The following CCDC88B variants were observed in gnomAD, a reference collection of about 807,000 sequenced individuals.
The protein encoded by CCDC88B is coiled-coil and HOOK domain protein 88B, also known as coiled-coil domain-containing protein 88B.
Under a neutral mutation model 183.7 loss-of-function variants are expected in CCDC88B, and 138 were observed. The ratio of observed to expected loss-of-function variants is 0.75; its 90% CI spans 0.65 to 0.87. The LOEUF is 0.87. Ranked by LOEUF, CCDC88B falls within the 40% of genes least tolerant of loss-of-function variation. The probability of loss-of-function intolerance (pLI) is 0.00; values close to 1 mark genes in which losing one functional copy is unlikely to be tolerated. For synonymous variants in CCDC88B, 835 were observed against 867.5 expected, an observed-to-expected ratio of 0.96 and a Z score of 0.66; for missense variants, 1,822 against 1,965.6, an observed-to-expected ratio of 0.93 and a Z score of 1.38.
intron 22 of CCDC88B, 51 bp from the exon 23 acceptor site, chr11:64,353,664 C>T (rs1024051275): frequency 6.2e-7 from 1 of 1,603,532 alleles, no homozygotes; most frequent in African/African-American, 1.3e-5. Flanking sequence ...CTTGCTACTG[C>T]CTCGGCCTCC....
chr11:64,345,032 G>C lies in CCDC88B; in HGVS notation c.2491G>C (p.Glu831Gln). The change falls in exon 14 of 27, where the codon GAG becomes CAG. Residue 831 changes from glutamate (E) to glutamine (Q), a missense_variant. By Grantham distance (29) the Glu-to-Gln change is conservative. Coordinates refer to ENST00000356786, the MANE Select transcript of CCDC88B (RefSeq NM_032251.6). ...CCGGGAGCGGAGGCAGTGGGAGCGT[G>C]AGGGGTCCAGGCTGCGGGCCCAGTC... ...AGRERRQWEREGSRLRAQSEA... is the reference protein window; with the variant it reads ...AGRERRQWERQGSRLRAQSEA... The C allele has an allele frequency of 1.3e-6, 2 of 1,548,498 alleles. No homozygotes were observed. The highest frequency in any genetic ancestry group is 1.7e-6 in the Non-Finnish European group (2 of 1,149,086).
At position 64,357,064 on chromosome 11, in the gene CCDC88B, A is replaced by G; in HGVS notation, c.4401A>G (p.Lys1467=). ...REGPEVQEPE[K]RPLTPSLSQ is the part of the protein sequence containing the mutation. ...GCCCTGAGGTACAGGAACCGGAGAA[A>G]CGTCCCCTCACCCCATCCCTCAGCC... The change falls in exon 27 of 27, where the codon AAA becomes AAG. Residue 1467 remains lysine, a synonymous_variant. Coordinates refer to ENST00000356786, the MANE Select transcript of CCDC88B (RefSeq NM_032251.6). 1.2e-6 allele frequency: 2 copies of G among 1,605,018 alleles called. No individual in the cohort carries two copies. Among genetic ancestry groups the G allele is most frequent in the South Asian group, 1.1e-5 (1 of 90,412 alleles).
chr11:64,343,316 G>C lies in CCDC88B; in HGVS notation c.1200G>C (p.Glu400Asp), dbSNP rs763200470. The C allele has an allele frequency of 1.9e-5, 29 of 1,550,400 alleles. No homozygotes were observed. The East Asian group carries it at 6.6e-4, about 35-fold the overall frequency. Reference sequence around the variant, plus strand: ...TGCTGCTGCGAACCCGGCTGGGCGAGGCCCATGCGGTAAGGTAGCCAGAGT... The same window carrying C: ...TGCTGCTGCGAACCCGGCTGGGCGACGCCCATGCGGTAAGGTAGCCAGAGT... ...ENLLLRTRLG[E>D]AHAELDSLRH... Residue 400 changes from glutamate to aspartate, a missense_variant, in exon 11 of 27, where the codon GAG (glutamate) becomes GAC (aspartate). Transcript: ENST00000356786.
chr11:64,351,082 T>G (rs1591293444), intron 16 of CCDC88B, 78 bp from the exon 17 acceptor site: 1 of 1,027,610 alleles, frequency 9.7e-7, no homozygotes, highest in Non-Finnish European at 1.4e-6. Context: ...GCAGGGCAGG[T>G]CCATAAGCGC....
At chr11:64,355,464 G>T in intron 25 of CCDC88B, 64 bp downstream of exon 25, 2 of 1,583,362 alleles carry the variant, frequency 1.3e-6, no homozygotes, top group Non-Finnish European at 1.7e-6. Context: ...CCAGCTCCTT[G>T]GGGGAGGAGG....
At chr11:64,349,690 G>A (rs1303760256) in intron 16 of CCDC88B, 22 bp downstream of exon 16, 1 of 1,564,970 alleles carries the variant, frequency 6.4e-7, no homozygotes, top group Admixed American at 1.9e-5. Context: ...CCGCCTGGGA[G>A]CTGGGGGCCA....
chr11:64,356,453 AT>A (rs2036548714), intron 26 of CCDC88B: 1 of 152,190 alleles, frequency 6.6e-6, no homozygotes, highest in Non-Finnish European at 1.5e-5. Flanking sequence ...CATGCCTGTA[AT>A]CCCACCTACT....
intron 14 of CCDC88B, among the ~76,000 whole-genome samples, chr11:64,347,506 G>A (rs1474035023): frequency 6.6e-6 from 1 of 152,218 alleles, no homozygotes; most frequent in African/African-American, 2.4e-5. Context: ...CCCATTATGA[G>A]GATGGGGGGT....
chr11:64,342,200 G>T, intron 8 of CCDC88B, 61 bp downstream of exon 8: 1 of 1,589,912 alleles, frequency 6.3e-7, no homozygotes. Context: ...GCCTGGATGG[G>T]ACCCTAGCCC....
chr11:64,348,252 T>A (rs1052615574), intron 14 of CCDC88B, among the ~76,000 whole-genome samples: 1 of 136,124 alleles, frequency 7.3e-6, no homozygotes, highest in Admixed American at 7.6e-5. Context: ...TGGGGGAAGC[T>A]AGGGACAAAG....
At position 64,340,258 on chromosome 11, in the gene CCDC88B, G is replaced by A; in HGVS notation, c.-9G>A. On this transcript the variant is annotated 5_prime_UTR_variant, in exon 1 of 27. Transcript: ENST00000356786. ...GCTGCCACAGTGAGACGGGCACCCCGACCCGGGCATGGAGGGGGGCAAGGG... is the reference window on the plus strand; with the variant it reads ...GCTGCCACAGTGAGACGGGCACCCCAACCCGGGCATGGAGGGGGGCAAGGG... The A allele has an allele frequency of 7.9e-7, 1 of 1,268,340 alleles. No homozygotes were observed. Among genetic ancestry groups the A allele is most frequent in the East Asian group, 3.1e-5 (1 of 32,014 alleles). The allele number at this position is 1,268,340 out of a possible 1,614,324, so 78.6% of individuals were successfully genotyped here. A position where few individuals can be genotyped will look rare whatever the true frequency, so the allele number is the denominator to read the frequency against.
chr11:64,353,401 G>A lies in CCDC88B; in HGVS notation c.3738G>A (p.Leu1246=). 1 of 1,613,524 alleles carries A rather than the reference G, an allele frequency of 6.2e-7. No individual in the cohort carries two copies. The change falls in exon 22 of 27, where the codon CTG becomes CTA. Residue 1246 remains leucine, a synonymous_variant. Coordinates refer to ENST00000356786, the MANE Select transcript of CCDC88B (RefSeq NM_032251.6). ...SAQEEENRQL[L]AEVQALSREN... is the part of the protein sequence containing the mutation. Reference sequence around the variant, plus strand: ...AGGAAGAGGAGAACCGGCAGCTGCTGGCTGAAGTTCAGGCCCTGAGCCGGG... The same window carrying A: ...AGGAAGAGGAGAACCGGCAGCTGCTAGCTGAAGTTCAGGCCCTGAGCCGGG...
Position 64,342,130 on chromosome 11 carries a change from G to A in CCDC88B, c.812G>A (p.Arg271Gln). 6.2e-7 allele frequency: 1 copy of A among 1,608,586 alleles called. No individual in the cohort carries two copies. The highest frequency in any genetic ancestry group is 8.5e-7 in the Non-Finnish European group (1 of 1,178,560). ...GCCAAGGCTCAGCTGCGGCGTCTGCGGCAGGAGCTGTGAGTGTGCGCAGCC... is the reference window on the plus strand; with the variant it reads ...GCCAAGGCTCAGCTGCGGCGTCTGCAGCAGGAGCTGTGAGTGTGCGCAGCC... ...ANAKAQLRRL[R>Q]QELEEKAELL... Residue 271 changes from arginine (R) to glutamine (Q), a missense_variant, in exon 8 of 27, where the codon CGG becomes CAG. Coordinates refer to ENST00000356786, the MANE Select transcript of CCDC88B (RefSeq NM_032251.6).
intron 1 of CCDC88B, 53 bp downstream of exon 1, chr11:64,340,379 G>A (rs1800446750): frequency 7.8e-7 from 1 of 1,285,358 alleles, no homozygotes; most frequent in South Asian, 2.3e-5. Context: ...CCCAGCCAGG[G>A]GCTGGTGTTG....
Position 64,341,980 on chromosome 11 carries a change from C to A in CCDC88B, c.676-14C>A. ...TGGATAAGTTAGTCCTGACCCTTGA[C>A]CCCTGACCTACAGCGGCTGGCTGAA... is the stretch of plus-strand genomic sequence containing the variant. On this transcript the variant is annotated splice_polypyrimidine_tract_variant and intron_variant, in intron 7 of 26. Coordinates refer to ENST00000356786, the MANE Select transcript of CCDC88B (RefSeq NM_032251.6). The A allele has an allele frequency of 1.2e-6, 2 of 1,612,766 alleles. No homozygotes were observed. Among genetic ancestry groups the A allele is most frequent in the Non-Finnish European group, 1.7e-6 (2 of 1,179,612 alleles).
chr11:64,353,640 G>A (rs571749181), intron 22 of CCDC88B, 75 bp from the exon 23 acceptor site: 50 of 1,590,610 alleles, frequency 3.1e-5, no homozygotes, highest in South Asian at 1.0e-4. Flanking sequence ...GTGCGTCCTC[G>A]CTGCAGCTTG....
At chr11:64,342,848 T>A in intron 10 of CCDC88B, 168 bp downstream of exon 10, 2 of 448,216 alleles carry the variant, frequency 4.5e-6, no homozygotes, top group Non-Finnish European at 7.0e-6. Context: ...GGAAAGGGCC[T>A]CCAGAGGATG....
chr11:64,345,608 G>A (rs564523739), intron 14 of CCDC88B, among the ~76,000 whole-genome samples: 1 of 152,324 alleles, frequency 6.6e-6, no homozygotes, highest in East Asian at 1.9e-4. Flanking sequence ...GTGAGCTGAT[G>A]CCCAAGTGGA....
At position 64,352,190 on chromosome 11, in the gene CCDC88B, G is replaced by T. The variant is rs1291320455; in HGVS notation, c.3160G>T (p.Glu1054Ter). The T allele has an allele frequency of 6.2e-7, 1 of 1,607,370 alleles. No individual in the cohort carries two copies. Among genetic ancestry groups the T allele is most frequent in the Admixed American group, 1.7e-5 (1 of 59,770 alleles). Residue 1054 changes from glutamate (E) to a stop codon, truncating the protein, a stop_gained, in exon 19 of 27, where the codon GAG becomes TAG. Transcript: ENST00000356786. LOFTEE classifies it high-confidence loss of function. ...GCTGCACCGGAAGCTGGAGGTGCTG[G>T]AGGAGGAGGTGCGGGCGGCACGGCA... is the stretch of plus-strand genomic sequence containing the variant. ...QELHRKLEVL[E>*]EEVRAARQSQ...
Sources: gnomAD v4.1 joint callset for allele counts (sites outside exome capture counted in the v4.1 genomes callset) on GRCh38, gnomAD v4.1.1 for gene constraint, MANE v1.5 for transcripts, NCBI Gene and HGNC (gene_info 2026-07-23, HGNC 2026-07-21) for gene names.